UBR4: variants seen among roughly 807,000 people sequenced by gnomAD.
The protein encoded by UBR4 is ubiquitin protein ligase E3 component n-recognin 4.
A neutral mutation model predicts 575.6 loss-of-function variants in UBR4; 124 were observed. The ratio of observed to expected loss-of-function variants is 0.22; its 90% CI spans 0.19 to 0.25. The LOEUF (loss-of-function observed/expected upper bound fraction) is 0.25. Ranked by LOEUF, UBR4 falls within the 10% of genes least tolerant of loss-of-function variation. UBR4 has a pLI of 1.00. For missense variants in UBR4, 4,818 were observed against 6,478.8 expected (o/e 0.74, Z 8.80); for synonymous variants, 2,455 against 2,473.7 (o/e 0.99, Z 0.22).
chr1:19,111,031 G>A (rs530231421), intron 78 of UBR4, among the ~76,000 whole-genome samples, 199 bp from the exon 79 acceptor site: 3 of 152,262 alleles, frequency 2.0e-5, no homozygotes, highest in South Asian at 4.2e-4. Context: ...CATTACAGCC[G>A]CCTTGCCTAT....
chr1:19,076,430 T>G (rs1411407350), intron 105 of UBR4, among the ~76,000 whole-genome samples: 2 of 152,194 alleles, frequency 1.3e-5, no homozygotes, highest in African/African-American at 4.8e-5. Context: ...AGAGCCTCAT[T>G]TACCCCATCT....
At position 19,153,521 on chromosome 1, in the gene UBR4, G is replaced by C. The variant is rs143372235; in HGVS notation, c.6631-19C>G. 1,271 of 1,613,096 alleles carry C rather than the reference G, an allele frequency of 7.9e-4. 16 individuals carry two copies. In the African/African-American group the frequency reaches 0.015, roughly 19 times the overall value. Reference sequence around the variant, plus strand: ...CTTGGATCTAGGAGGAGAGGACAAAGGAGGGTCTTCGTTCCCACACCCACA... The same window carrying C: ...CTTGGATCTAGGAGGAGAGGACAAACGAGGGTCTTCGTTCCCACACCCACA... On this transcript the variant is annotated intron_variant, in intron 45 of 105. Transcript: ENST00000375254. The surrounding 1 kb of genome is among the most constrained non-coding windows in gnomAD (Gnocchi z 4.1).
chr1:19,177,618 C>T lies in UBR4; in HGVS notation c.2480G>A (p.Arg827Gln), dbSNP rs771909810. Residue 827 changes from arginine (R) to glutamine (Q), a missense_variant, in exon 19 of 106, where the codon CGG becomes CAG. Around this residue, in one of 29 missense-constraint regions of UBR4, gnomAD observed 1,172 missense variants for 1,259.7 expected, o/e 0.93. Transcript: ENST00000375254. ...CTGGACAAAAAGCGACAATATGGCC[C>T]GCCGGCCTGTCTCGGTGAAATTGTG... Reference protein sequence around the residue: ...IFHNFTETGRRAILSLFVQII... With the variant: ...IFHNFTETGRQAILSLFVQII... 24 of 1,613,634 alleles carry T rather than the reference C, an allele frequency of 1.5e-5. No homozygotes were observed. The highest frequency in any genetic ancestry group is 1.1e-4 in the East Asian group (5 of 44,854).
intron 1 of UBR4, among the ~76,000 whole-genome samples, chr1:19,206,080 T>C (rs902497681): frequency 2.0e-5 from 3 of 152,248 alleles, no homozygotes; most frequent in Non-Finnish European, 2.9e-5. Context: ...TGTGCTCCAT[T>C]GAGCTAGTTC....
chr1:19,110,453 C>G lies in UBR4; in HGVS notation c.11904G>C (p.Leu3968=), dbSNP rs2079715867. 1 of 1,614,106 alleles carries G rather than the reference C, an allele frequency of 6.2e-7. No homozygotes were observed. The change falls in exon 80 of 106, where the codon CTG becomes CTC. Residue 3968 remains leucine (L), a synonymous_variant. Coordinates refer to ENST00000375254, the MANE Select transcript of UBR4 (RefSeq NM_020765.3). This position sits in a 1 kb window ranked among gnomAD's most constrained non-coding sequence, Gnocchi z 4.5. Reference sequence around the variant, plus strand: ...CCGTCAGCAGCAGCATTTCATACTGCAGGCTACTTGCCTAGAAGGCAATGG... The same window carrying G: ...CCGTCAGCAGCAGCATTTCATACTGGAGGCTACTTGCCTAGAAGGCAATGG... ...HWANPDLASS[L]QYEMLLLTDS...
Position 19,089,388 on chromosome 1 carries a change from G to A in UBR4, c.14212-411C>T, listed in dbSNP as rs764892065. Among the ~76,000 whole-genome samples the A allele has an allele frequency of 1.3e-5, 2 of 152,218 alleles. No homozygotes were observed. The highest frequency in any genetic ancestry group is 3.8e-4 in the East Asian group (2 of 5,196). On this transcript the variant is annotated intron_variant, in intron 97 of 105. Transcript: ENST00000375254. The surrounding 1 kb of genome is among the most constrained non-coding windows in gnomAD (Gnocchi z 4.3). ...CCAGCAGCCAGAGCAGGCACTGGACGTTCTCCTAAGGACCTGCCCTGAGTT... is the reference window on the plus strand; with the variant it reads ...CCAGCAGCCAGAGCAGGCACTGGACATTCTCCTAAGGACCTGCCCTGAGTT...
At chr1:19,141,869 C>A in intron 55 of UBR4, 92 bp from the exon 56 acceptor site, 1 of 1,555,930 alleles carries the variant, frequency 6.4e-7, no homozygotes, top group South Asian at 1.2e-5. Flanking sequence ...AAACCCAAGA[C>A]AAGCTACCAG....
chr1:19,176,672 C>T lies in UBR4; in HGVS notation c.2693G>A (p.Ser898Asn). 1 of 1,614,094 alleles carries T rather than the reference C, an allele frequency of 6.2e-7. No individual in the cohort carries two copies. The highest frequency in any genetic ancestry group is 1.7e-5 in the Admixed American group (1 of 60,036). Reference sequence around the variant, plus strand: ...AGGAGTGGTTGCCCGGCGGCTGTTGCTGTCCTGGGATCCACTTGCCCACCC... The same window carrying T: ...AGGAGTGGTTGCCCGGCGGCTGTTGTTGTCCTGGGATCCACTTGCCCACCC... ...PFGWASGSQD[S>N]NSRRATTPLY... Residue 898 changes from serine (S) to asparagine (N), a missense_variant, in exon 20 of 106, where the codon AGC (serine) becomes AAC (asparagine). By Grantham distance (46) the Ser-to-Asn change is conservative (BLOSUM62 1). Transcript: ENST00000375254.
chr1:19,203,171 T>G lies in UBR4; in HGVS notation c.177-1356A>C, dbSNP rs532223012. On this transcript the variant is annotated intron_variant, in intron 1 of 105. Transcript: ENST00000375254. ...AGAACAACAGTGTGGTTGAACAGTT[T>G]ACTTAGTGAGTCAATCCCCAGCAGA... 2.2e-3 allele frequency among the ~76,000 whole-genome samples: 328 copies of G among 152,254 alleles called. 3 individuals are homozygous for G. Among genetic ancestry groups the G allele is most frequent in the African/African-American group, 7.6e-3 (316 of 41,572 alleles).
chr1:19,182,524 G>A (rs556453887), intron 17 of UBR4, among the ~76,000 whole-genome samples: 20 of 152,148 alleles, frequency 1.3e-4, no homozygotes, highest in African/African-American at 4.6e-4. Flanking sequence ...AATTCTATAT[G>A]TAATTTTTGC....
intron 44 of UBR4, 68 bp downstream of exon 44, chr1:19,154,850 A>G (rs1194650107): frequency 3.1e-6 from 5 of 1,587,892 alleles, no homozygotes; most frequent in Non-Finnish European, 4.3e-6. Context: ...GATAGCAGAT[A>G]GTGGGAGTGG....
At position 19,157,833 on chromosome 1, in the gene UBR4, G is replaced by T; in HGVS notation, c.5742C>A (p.Val1914=). 1 of 1,614,160 alleles carries T rather than the reference G, an allele frequency of 6.2e-7. No homozygotes were observed. The highest frequency in any genetic ancestry group is 1.1e-5 in the South Asian group (1 of 91,076). The change falls in exon 40 of 106, where the codon GTC becomes GTA. Residue 1914 remains valine, a synonymous_variant. Transcript: ENST00000375254. The surrounding 1 kb of genome is among the most constrained non-coding windows in gnomAD (Gnocchi z 4.4). ...GACCCACCTTGCCCTTCTCATGGCT[G>T]ACAGCCAAATGTTGGCGGCGCCCAT... is the stretch of plus-strand genomic sequence containing the variant. ...SPHGRRQHLA[V]SHEKGKITVL...
chr1:19,198,581 G>A lies in UBR4; in HGVS notation c.608C>T (p.Pro203Leu). 1 of 1,614,108 alleles carries A rather than the reference G, an allele frequency of 6.2e-7. No individual in the cohort carries two copies. Among genetic ancestry groups the A allele is most frequent in the African/African-American group, 1.3e-5 (1 of 75,010 alleles). The change falls in exon 5 of 106, where the codon CCT becomes CTT. Residue 203 changes from proline (P) to leucine (L), a missense_variant. Physicochemically the swap from Pro to Leu is moderately conservative, Grantham distance 98. Around this residue, in one of 29 missense-constraint regions of UBR4, gnomAD observed 83 missense variants for 77.3 expected, o/e 1.07. Transcript: ENST00000375254. ...GATAGGTTGTGATGCTACAGTTCTA[G>A]GGTTAAAAACTGAGGTCAGCTGGTT... ...FLNQLTSVFN[P>L]RTVASQPIST...
chr1:19,188,326 G>A (rs1216893821), intron 11 of UBR4, among the ~76,000 whole-genome samples: 3 of 152,180 alleles, frequency 2.0e-5, no homozygotes, highest in African/African-American at 7.2e-5. Flanking sequence ...GGCCAAGGTG[G>A]GAAGATCACT....
In UBR4 at chr1:19,154,144, C is replaced by T. The variant is rs547955372; in HGVS notation, c.6459-205G>A. On this transcript the variant is annotated intron_variant, in intron 44 of 105. Transcript: ENST00000375254. ...AATGCGTGCTTATGGCAGGGCAGTC[C>T]TCATTTGGAGTCTCCACTGTGAGGT... Among the ~76,000 whole-genome samples the T allele has an allele frequency of 7.9e-4, 121 of 152,320 alleles. 1 individual carries two copies. Among genetic ancestry groups the T allele is most frequent in the African/African-American group, 2.8e-3 (116 of 41,578 alleles).
chr1:19,163,289 G>A (rs543738596), intron 34 of UBR4, among the ~76,000 whole-genome samples: 18 of 152,350 alleles, frequency 1.2e-4, no homozygotes, highest in African/African-American at 4.1e-4. Flanking sequence ...GGGTTGGGCA[G>A]GAGGAGAAAA....
Position 19,084,471 on chromosome 1 carries a change from C to A in UBR4, c.15008+33G>T. ...GGCAGAGGGATGCAGGGTGGGTCTG[C>A]GAGATGCCGCCCCTGGGACACAGGG... On this transcript the variant is annotated intron_variant, in intron 102 of 105. Coordinates refer to ENST00000375254, the MANE Select transcript of UBR4 (RefSeq NM_020765.3). The A allele has an allele frequency of 2.5e-6, 4 of 1,573,976 alleles. No homozygotes were observed. The South Asian group carries it at 3.5e-5, about 14-fold the overall frequency.
chr1:19,140,811 G>T lies in UBR4; in HGVS notation c.8570C>A (p.Thr2857Asn). The T allele has an allele frequency of 6.2e-7, 1 of 1,613,322 alleles. No individual in the cohort carries two copies. The highest frequency in any genetic ancestry group is 8.5e-7 in the Non-Finnish European group (1 of 1,179,936). Residue 2857 changes from threonine (T) to asparagine (N), a missense_variant, in exon 58 of 106, where the codon ACC (threonine) becomes AAC (asparagine). Physicochemically the swap from Thr to Asn is moderately conservative, Grantham distance 65 (BLOSUM62 0). Transcript: ENST00000375254. ...ACCTGATGCTGTGGTGTCAGAGAGG[G>T]TTCCTGCGTCCAGAGAGGAAGAGCT... ...APSSSSLDAG[T>N]LSDTTASAPA...
In UBR4 at chr1:19,124,593, G is replaced by A; in HGVS notation, c.9536C>T (p.Ser3179Phe). ...YQIKKITDTN[S>F]RIPPPVFDHS... is the part of the protein sequence containing the mutation. The stretch of plus-strand genomic sequence containing the variant: ...GTCAAAGACAGGAGGTGGGATTCGA[G>A]AATTGGTGTCAGTAATCTTTTTGAT... The change falls in exon 65 of 106, where the codon TCT (serine) becomes TTT (phenylalanine). Residue 3179 changes from serine (S) to phenylalanine (F), a missense_variant. Physicochemically the swap from Ser to Phe is radical, Grantham distance 155. Coordinates refer to ENST00000375254, the MANE Select transcript of UBR4 (RefSeq NM_020765.3). 1 of 1,614,222 alleles carries A rather than the reference G, an allele frequency of 6.2e-7. No individual in the cohort carries two copies. The highest frequency in any genetic ancestry group is 8.5e-7 in the Non-Finnish European group (1 of 1,180,036).
Sources: gnomAD v4.1 joint callset for allele counts (sites outside exome capture counted in the v4.1 genomes callset) on GRCh38, gnomAD v4.1.1 for gene constraint, gnomAD v4.1.1 regional missense constraint, Gnocchi (gnomAD v3.1) non-coding constraint, MANE v1.5 for transcripts, NCBI Gene and HGNC (gene_info 2026-07-23, HGNC 2026-07-21) for gene names.